The following PPM1L variants were observed in gnomAD, a reference collection of about 807,000 sequenced individuals.
The protein encoded by PPM1L is protein phosphatase, Mg2+/Mn2+ dependent 1L, also known as protein phosphatase 1L.
Under a neutral mutation model 31.4 loss-of-function variants are expected in PPM1L, and 13 were observed. That is an observed-to-expected ratio of 0.41 (90% CI 0.27 to 0.66). The LOEUF is 0.66. Among genes scored for constraint, PPM1L ranks in the 30% least tolerant of loss-of-function variants. PPM1L has a pLI of 0.29. For missense variants in PPM1L, 326 were observed against 453.7 expected (o/e 0.72, Z 2.56); for synonymous variants, 184 against 175.4 (o/e 1.05, Z -0.39).
chr3:160,948,389 A>C (rs1275141959), intron 1 of PPM1L, among the ~76,000 whole-genome samples: 3 of 152,204 alleles, frequency 2.0e-5, no homozygotes, highest in Non-Finnish European at 4.4e-5. Flanking sequence ...GGTGATGCTG[A>C]GTTCCTTTCC....
intron 2 of PPM1L, among the ~76,000 whole-genome samples, chr3:161,024,264 CAAA>C (rs34662106): frequency 5.4e-5 from 5 of 92,510 alleles, no homozygotes; most frequent in Non-Finnish European, 7.0e-5. Flanking sequence ...GACTCCGTCT[CAAA>C]AAAAAAAAAA....
intron 2 of PPM1L, among the ~76,000 whole-genome samples, chr3:161,034,033 G>C (rs1576796232): frequency 6.6e-6 from 1 of 152,196 alleles, no homozygotes; most frequent in African/African-American, 2.4e-5. Context: ...GTGGGTGAAG[G>C]ATACGAACAG....
chr3:160,777,740 C>T (rs765380715), intron 1 of PPM1L, among the ~76,000 whole-genome samples: 4 of 152,116 alleles, frequency 2.6e-5, no homozygotes, highest in Non-Finnish European at 5.9e-5. Flanking sequence ...GTATATACCA[C>T]ATTTTGTTTA....
chr3:161,015,702 C>G (rs1190356848), intron 2 of PPM1L, among the ~76,000 whole-genome samples: 1 of 152,088 alleles, frequency 6.6e-6, no homozygotes, highest in Non-Finnish European at 1.5e-5. Flanking sequence ...ATTTCTTTTA[C>G]CAGGAATCAG....
At chr3:160,970,708 T>G (rs2108115907) in intron 2 of PPM1L, among the ~76,000 whole-genome samples, 1 of 152,058 alleles carries the variant, frequency 6.6e-6, no homozygotes, top group East Asian at 1.9e-4. Context: ...TTCACCCACC[T>G]TAGCCTCCCA....
At chr3:160,873,914 G>T (rs1025074305) in intron 1 of PPM1L, among the ~76,000 whole-genome samples, 1 of 152,106 alleles carries the variant, frequency 6.6e-6, no homozygotes, top group Non-Finnish European at 1.5e-5. Flanking sequence ...ATTAAAACCT[G>T]ATTATTAACC....
intron 1 of PPM1L, among the ~76,000 whole-genome samples, chr3:160,950,757 C>T (rs1331818444): frequency 6.6e-6 from 1 of 152,204 alleles, no homozygotes; most frequent in African/African-American, 2.4e-5. Flanking sequence ...GCTCTACTGT[C>T]ATAGCTTCAG....
chr3:161,065,306 G>A, intron 2 of PPM1L, 97 bp from the exon 3 acceptor site: 1 of 1,228,804 alleles, frequency 8.1e-7, no homozygotes, highest in Non-Finnish European at 1.2e-6. Context: ...CCCAGCAGAA[G>A]CAATTTTAAT....
intron 1 of PPM1L, among the ~76,000 whole-genome samples, chr3:160,949,659 T>C (rs1474730465): frequency 6.6e-6 from 1 of 152,166 alleles, no homozygotes; most frequent in Non-Finnish European, 1.5e-5. Context: ...GTGCCTACAT[T>C]GGACTAAGTG....
intron 1 of PPM1L, chr3:160,882,190 T>G (rs1712745502): frequency 6.6e-6 from 1 of 152,216 alleles, no homozygotes; most frequent in Non-Finnish European, 1.5e-5. Flanking sequence ...GAATAACGCT[T>G]TCACTACTGG....
At chr3:160,765,051 T>C (rs1313782354) in intron 1 of PPM1L, among the ~76,000 whole-genome samples, 1 of 152,228 alleles carries the variant, frequency 6.6e-6, no homozygotes, top group African/African-American at 2.4e-5. Context: ...CTAACATTTA[T>C]TGAGTATGTA....
intron 1 of PPM1L, among the ~76,000 whole-genome samples, chr3:160,843,583 A>G (rs1178624389): frequency 2.0e-5 from 3 of 151,120 alleles, no homozygotes; most frequent in Non-Finnish European, 4.4e-5. Context: ...CGTCATTTAC[A>G]TTAGGTATAT....
At chr3:161,033,078 A>G (rs1317411304) in intron 2 of PPM1L, among the ~76,000 whole-genome samples, 1 of 151,360 alleles carries the variant, frequency 6.6e-6, no homozygotes, top group Non-Finnish European at 1.5e-5. Flanking sequence ...ATAAGAGTCA[A>G]CTCCCATTCA....
At position 160,920,627 on chromosome 3, in the gene PPM1L, ACACACACACACT is replaced by A. The variant is rs1490562997; in HGVS notation, c.400-41097_400-41086del. Among the ~76,000 whole-genome samples, 223 of 123,924 alleles carry A rather than the reference ACACACACACACT, an allele frequency of 1.8e-3. 2 individuals are homozygous for A. The highest frequency in any genetic ancestry group is 2.2e-3 in the Non-Finnish European group (123 of 56,874). The allele number at this position is 123,924 out of a possible 152,430, so 81.3% of individuals were successfully genotyped here. On this transcript the variant is annotated intron_variant, in intron 1 of 3. Coordinates refer to ENST00000498165, the MANE Select transcript of PPM1L (RefSeq NM_139245.4). ...CTCTCTCTCTCTCTCACACACACAC[ACACACACACACT>A]CACACACACACACACACACACACAC...
chr3:161,015,768 G>A (rs902929453), intron 2 of PPM1L, among the ~76,000 whole-genome samples: 29 of 152,354 alleles, frequency 1.9e-4, no homozygotes, highest in African/African-American at 6.0e-4. Context: ...CAGTGTGTGT[G>A]CAGGCAGCCT....
chr3:160,811,084 A>G (rs1712790350), intron 1 of PPM1L, among the ~76,000 whole-genome samples: 1 of 152,252 alleles, frequency 6.6e-6, no homozygotes, highest in Non-Finnish European at 1.5e-5. Context: ...TTTGATTTTC[A>G]GTGACAGATT....
At chr3:161,048,266 G>A (rs1416175451) in intron 2 of PPM1L, among the ~76,000 whole-genome samples, 1 of 152,162 alleles carries the variant, frequency 6.6e-6, no homozygotes, top group African/African-American at 2.4e-5. Flanking sequence ...CAAAGTGGGT[G>A]AAAGATATGA....
intron 1 of PPM1L, among the ~76,000 whole-genome samples, chr3:160,869,886 C>A (rs1560132965): frequency 6.6e-6 from 1 of 152,196 alleles, no homozygotes; most frequent in Non-Finnish European, 1.5e-5. Context: ...GAAGCCCTGG[C>A]ATTTGCTTCA....
At chr3:160,827,719 T>G (rs1250011794) in intron 1 of PPM1L, among the ~76,000 whole-genome samples, 1 of 152,068 alleles carries the variant, frequency 6.6e-6, no homozygotes, top group Non-Finnish European at 1.5e-5. Context: ...CTGAAACAGA[T>G]TCATGTGTGT....
Sources: allele counts gnomAD v4.1 joint callset (sites outside exome capture counted in the v4.1 genomes callset), GRCh38; gene constraint gnomAD v4.1.1; transcripts MANE v1.5; gene names NCBI Gene and HGNC (gene_info 2026-07-23, HGNC 2026-07-21).